CCDC191: variants seen among roughly 807,000 people sequenced by gnomAD.
CCDC191 encodes the protein coiled-coil domain-containing protein 191.
In CCDC191, 99 loss-of-function variants were observed where a neutral mutation model predicts 114.0. That is an observed-to-expected ratio of 0.87 (90% CI 0.74 to 1.03). The LOEUF is 1.03. CCDC191 is among the 50% of genes least tolerant of loss of function. The pLI is 0.00. For missense variants in CCDC191, 973 were observed against 1,087.0 expected (o/e 0.90, Z 1.47); for synonymous variants, 351 against 376.0 (o/e 0.93, Z 0.77).
rs1350099542 is a variant in CCDC191 at position 114,005,911 on chromosome 3, A to G, written c.1465T>C (p.Cys489Arg). 8 of 1,614,102 alleles carry G rather than the reference A, an allele frequency of 5.0e-6. No individual in the cohort carries two copies. Among genetic ancestry groups the G allele is most frequent in the Non-Finnish European group, 6.8e-6 (8 of 1,179,984 alleles). ...WEKPPLGSSGCMLSPPLGRTT... is the reference protein window; with the variant it reads ...WEKPPLGSSGRMLSPPLGRTT... ...CTTCCCAGGGGAGGACTGAGCATAC[A>G]ACCACTGCTTCCCAAGGGAGGCTTT... is the stretch of plus-strand genomic sequence containing the variant. The change falls in exon 10 of 17, where the codon TGT (cysteine) becomes CGT (arginine). Residue 489 changes from cysteine (C) to arginine (R), a missense_variant. By Grantham distance (180) the Cys-to-Arg change is radical. Transcript: ENST00000295878.
chr3:114,025,634 CT>C (rs978981835), intron 7 of CCDC191, among the ~76,000 whole-genome samples: 3 of 152,178 alleles, frequency 2.0e-5, no homozygotes, highest in Non-Finnish European at 4.4e-5. Flanking sequence ...TCTCTGGGTT[CT>C]TTACAGAAGA....
At chr3:113,993,404 TAAC>T (rs767081881) in intron 13 of CCDC191, among the ~76,000 whole-genome samples, 44 of 152,140 alleles carry the variant, frequency 2.9e-4, no homozygotes, top group Admixed American at 2.3e-3. Context: ...AGACATAAAG[TAAC>T]AACAGAAAAG....
At chr3:113,991,824 T>C (rs1306767788) in intron 13 of CCDC191, among the ~76,000 whole-genome samples, 1 of 152,132 alleles carries the variant, frequency 6.6e-6, no homozygotes, top group Admixed American at 6.6e-5. Context: ...GATTGCAGGA[T>C]ACAACACCAA....
In CCDC191 at chr3:114,005,902, T is replaced by G. The variant is rs866223445; in HGVS notation, c.1474A>C (p.Ser492Arg). 6.2e-6 allele frequency: 10 copies of G among 1,613,958 alleles called. No individual in the cohort carries two copies. The Middle Eastern group carries it at 4.9e-4, about 80-fold the overall frequency. The change falls in exon 10 of 17, where the codon AGT becomes CGT. Residue 492 changes from serine to arginine, a missense_variant. Ser to Arg is a moderately radical substitution (Grantham distance 110). Transcript: ENST00000295878. Reference sequence around the variant, plus strand: ...GTTGTTGTTCTTCCCAGGGGAGGACTGAGCATACAACCACTGCTTCCCAAG... The same window carrying G: ...GTTGTTGTTCTTCCCAGGGGAGGACGGAGCATACAACCACTGCTTCCCAAG... ...PPLGSSGCML[S>R]PPLGRTTTGN...
At chr3:114,038,698 A>G (rs2076520400) in intron 4 of CCDC191, among the ~76,000 whole-genome samples, 1 of 152,218 alleles carries the variant, frequency 6.6e-6, no homozygotes, top group Admixed American at 6.5e-5. Context: ...AATACTATGC[A>G]GCCATAAAAA....
At chr3:114,047,097 G>C (rs796699274) in intron 2 of CCDC191, 7 of 979,438 alleles carry the variant, frequency 7.1e-6, no homozygotes, top group African/African-American at 7.0e-5. Context: ...ATGCCCTTAG[G>C]ACTTGCATAT....
Position 113,986,802 on chromosome 3 carries a change from C to T in CCDC191, c.2164-6009G>A, listed in dbSNP as rs571033636. ...GTGCTTGCTTGCTCTCTCTCGCATG[C>T]GCTCTCTCCCTCTCCCCTCTGTCTC... On this transcript the variant is annotated intron_variant, in intron 13 of 16. Transcript: ENST00000295878. Among the ~76,000 whole-genome samples the T allele has an allele frequency of 7.9e-5, 12 of 152,222 alleles. No homozygotes were observed. In the South Asian group the frequency reaches 1.2e-3, roughly 16 times the overall value.
chr3:114,047,021 A>C, intron 2 of CCDC191: 1 of 954,606 alleles, frequency 1.0e-6, no homozygotes, highest in Non-Finnish European at 1.2e-6. Flanking sequence ...TTAGGGCATT[A>C]GTGATAGGAT....
intron 11 of CCDC191, chr3:114,004,126 G>T: frequency 1.0e-6 from 1 of 953,564 alleles, no homozygotes; most frequent in Non-Finnish European, 1.2e-6. Flanking sequence ...AATGTTTCTA[G>T]ATGCATCAAA....
intron 13 of CCDC191, among the ~76,000 whole-genome samples, chr3:113,997,260 G>A (rs996435781): frequency 3.3e-5 from 5 of 152,186 alleles, no homozygotes; most frequent in Non-Finnish European, 7.4e-5. Flanking sequence ...TCTAGTGCTG[G>A]ATTAGAGCCA....
intron 2 of CCDC191, 56 bp downstream of exon 2, chr3:114,053,541 T>C: frequency 9.6e-7 from 1 of 1,041,500 alleles, no homozygotes; most frequent in Non-Finnish European, 1.4e-6. Context: ...TTCTTTTCCA[T>C]CTGATTATGC....
chr3:114,000,274 G>A (rs554785205), intron 13 of CCDC191, among the ~76,000 whole-genome samples: 1 of 151,078 alleles, frequency 6.6e-6, no homozygotes, highest in East Asian at 1.9e-4. Context: ...AAAGGAGGAG[G>A]AAGGAAGAAT....
At chr3:113,983,295 G>T (rs1297934051) in intron 13 of CCDC191, among the ~76,000 whole-genome samples, 1 of 151,896 alleles carries the variant, frequency 6.6e-6, no homozygotes, top group Admixed American at 6.6e-5. Flanking sequence ...CTTGATCTTG[G>T]ACTCTCATTT....
rs745596395 is a variant in CCDC191, at chr3:114,005,883, G to A, written c.1493C>T (p.Thr498Ile). 6.2e-7 allele frequency: 1 copy of A among 1,613,980 alleles called. No individual in the cohort carries two copies. Among genetic ancestry groups the A allele is most frequent in the South Asian group, 1.1e-5 (1 of 91,076 alleles). The change falls in exon 10 of 17, where the codon ACA becomes ATA. Residue 498 changes from threonine (T) to isoleucine (I), a missense_variant. By Grantham distance (89) the Thr-to-Ile change is moderately conservative. Coordinates refer to ENST00000295878, the MANE Select transcript of CCDC191 (RefSeq NM_020817.2). ...GGAACCCTGCAAGTTGCCTGTTGTT[G>A]TTCTTCCCAGGGGAGGACTGAGCAT... ...GCMLSPPLGR[T>I]TTGNLQGSLQ...
intron 13 of CCDC191, among the ~76,000 whole-genome samples, chr3:113,996,891 G>C (rs1218753627): frequency 6.6e-6 from 1 of 152,018 alleles, no homozygotes; most frequent in East Asian, 1.9e-4. Context: ...GGCAAGGGGA[G>C]GGAGAGCATT....
Position 113,980,688 on chromosome 3 carries a change from A to G in CCDC191, c.2269T>C (p.Trp757Arg), listed in dbSNP as rs753646696. The change falls in exon 14 of 17, where the codon TGG becomes CGG. Residue 757 changes from tryptophan (W) to arginine (R), a missense_variant. By Grantham distance (101) the Trp-to-Arg change is moderately radical. Coordinates refer to ENST00000295878, the MANE Select transcript of CCDC191 (RefSeq NM_020817.2). ...VLLRKKGLEPWKRLRMQSKQN... is the reference protein window; with the variant it reads ...VLLRKKGLEPRKRLRMQSKQN... ...TTGCTTTGCATTCTCAATCTCTTCCAAGGCTCTAGACCTTTTTTCCTTAGC... is the reference window on the plus strand; with the variant it reads ...TTGCTTTGCATTCTCAATCTCTTCCGAGGCTCTAGACCTTTTTTCCTTAGC... 3.7e-6 allele frequency: 6 copies of G among 1,604,256 alleles called. No homozygotes were observed. The highest frequency in any genetic ancestry group is 4.2e-6 in the Non-Finnish European group (5 of 1,177,290).
intron 4 of CCDC191, among the ~76,000 whole-genome samples, chr3:114,039,778 T>G (rs1448385310): frequency 2.6e-5 from 4 of 152,052 alleles, no homozygotes; most frequent in Non-Finnish European, 5.9e-5. Context: ...ATAAAAAAAT[T>G]TTGAGGGTTT....
At position 113,998,766 on chromosome 3, in the gene CCDC191, C is replaced by CT. The variant is rs932099622; in HGVS notation, c.2163+2828dup. On this transcript the variant is annotated intron_variant, in intron 13 of 16. Transcript: ENST00000295878. ...TTTTGTTCTCACTGGAACAGACACT[C>CT]TATCTAGATATGGATTTGCTTTCCC... 2.6e-5 allele frequency among the ~76,000 whole-genome samples: 4 copies of CT among 152,324 alleles called. 1 individual carries two copies. Among genetic ancestry groups the CT allele is most frequent in the Non-Finnish European group, 4.4e-5 (3 of 68,026 alleles).
At chr3:114,034,794 A>G in intron 6 of CCDC191, 131 bp downstream of exon 6, 2 of 752,348 alleles carry the variant, frequency 2.7e-6, no homozygotes, top group South Asian at 3.6e-5. Flanking sequence ...ATTTGTTAAG[A>G]TGGTGGAATA....
Sources: gnomAD v4.1 joint callset for allele counts (sites outside exome capture counted in the v4.1 genomes callset) on GRCh38, gnomAD v4.1.1 for gene constraint, MANE v1.5 for transcripts, NCBI Gene and HGNC (gene_info 2026-07-23, HGNC 2026-07-21) for gene names.